NELL2: variants seen among roughly 807,000 people sequenced by gnomAD.
NELL2 encodes neural EGFL like 2.
NELL2 carries 41 observed loss-of-function variants against 109.6 expected under a neutral mutation model. That is an observed-to-expected ratio of 0.37 (90% confidence interval 0.29 to 0.49). The LOEUF (loss-of-function observed/expected upper bound fraction) is 0.49. NELL2 is among the 20% of genes least tolerant of loss of function. The probability of loss-of-function intolerance (pLI) is 0.98; values close to 1 mark genes in which losing one functional copy is unlikely to be tolerated. For synonymous variants in NELL2, 355 were observed against 344.7 expected (o/e 1.03, Z -0.33); for missense variants, 900 against 1,008.3 (o/e 0.89, Z 1.45).
intron 2 of NELL2, among the ~76,000 whole-genome samples, chr12:44,861,960 A>G (rs1944855491): frequency 6.6e-6 from 1 of 152,230 alleles, no homozygotes; most frequent in African/African-American, 2.4e-5. Context: ...AACAAGAAAC[A>G]TAAAAAGCCA....
chr12:44,738,581 C>G (rs1373993717), intron 9 of NELL2, among the ~76,000 whole-genome samples: 1 of 151,894 alleles, frequency 6.6e-6, no homozygotes, highest in African/African-American at 2.4e-5. Flanking sequence ...CCTGCATAGT[C>G]TCACTTATAT....
At chr12:44,522,571 C>CAT (rs548463424) in intron 17 of NELL2, among the ~76,000 whole-genome samples, 4 of 151,928 alleles carry the variant, frequency 2.6e-5, no homozygotes, top group Non-Finnish European at 4.4e-5. Flanking sequence ...TAGTTAATAA[C>CAT]ATATATATAT....
chr12:44,522,120 A>T lies in NELL2; in HGVS notation c.2055T>A (p.Asp685Glu), dbSNP rs764322558. The T allele has an allele frequency of 1.9e-4, 299 of 1,614,010 alleles. No individual in the cohort carries two copies. Among genetic ancestry groups the T allele is most frequent in the Non-Finnish European group, 2.4e-4 (278 of 1,180,030 alleles). ...GGTCACATTCAGGGCAGCAAAAAAG[A>T]TCAACTGTGGGATTCTCACAGTCAC... ...MVCDCENPTVDLFCCPECDPR... is the reference protein window; with the variant it reads ...MVCDCENPTVELFCCPECDPR... Residue 685 changes from aspartate (D) to glutamate (E), a missense_variant, in exon 18 of 20, where the codon GAT (aspartate) becomes GAA (glutamate). Physicochemically the swap from Asp to Glu is conservative, Grantham distance 45. Coordinates refer to ENST00000429094, the MANE Select transcript of NELL2 (RefSeq NM_001145108.2).
chr12:44,691,834 G>T (rs1566174596), intron 12 of NELL2, among the ~76,000 whole-genome samples: 1 of 152,150 alleles, frequency 6.6e-6, no homozygotes, highest in Admixed American at 6.5e-5. Flanking sequence ...ATTCTAGAAG[G>T]CTGAGAGAGG....
chr12:44,852,258 GA>G (rs1252199918), intron 2 of NELL2, among the ~76,000 whole-genome samples: 1 of 152,026 alleles, frequency 6.6e-6, no homozygotes, highest in African/African-American at 2.4e-5. Flanking sequence ...TACACTGCTG[GA>G]AAAAAACGTT....
In NELL2 at chr12:44,776,087, T is replaced by C; in HGVS notation, c.826A>G (p.Met276Val). ...AATTCTCGGTAGGTGGTTCCCTTCATGGTGCAAGTCCTTTCACAATAGCAC... is the reference window on the plus strand; with the variant it reads ...AATTCTCGGTAGGTGGTTCCCTTCACGGTGCAAGTCCTTTCACAATAGCAC... The part of the protein sequence containing the change: ...DQCYCERTCT[M>V]KGTTYREFES... The change falls in exon 8 of 20, where the codon ATG becomes GTG. Residue 276 changes from methionine to valine, a missense_variant. By Grantham distance (21) the Met-to-Val change is conservative. Around this residue, in one of 4 missense-constraint regions of NELL2, gnomAD observed 292 missense variants for 265.3 expected, o/e 1.10. Transcript: ENST00000429094. The C allele has an allele frequency of 1.2e-6, 2 of 1,614,146 alleles. No individual in the cohort carries two copies. The highest frequency in any genetic ancestry group is 1.3e-5 in the African/African-American group (1 of 75,062).
In NELL2 at chr12:44,627,081, A is replaced by G. The variant is rs1370165918; in HGVS notation, c.1445-16111T>C. On this transcript the variant is annotated intron_variant, in intron 13 of 19. Transcript: ENST00000429094. ...ATGCTCGTCAAATTCAGTGGTCTGTAACAGGGTAAATGACACAATTACCTG... is the reference window on the plus strand; with the variant it reads ...ATGCTCGTCAAATTCAGTGGTCTGTGACAGGGTAAATGACACAATTACCTG... 2.0e-5 allele frequency among the ~76,000 whole-genome samples: 3 copies of G among 152,132 alleles called. No homozygotes were observed. The East Asian group carries it at 5.8e-4, about 29-fold the overall frequency.
intron 1 of NELL2, among the ~76,000 whole-genome samples, chr12:44,898,280 GGGTCCCTGACC>G (rs913602957): frequency 2.0e-5 from 3 of 152,178 alleles, no homozygotes; most frequent in Non-Finnish European, 4.4e-5. Context: ...CTCCTCAAGT[GGGTCCCTGACC>G]CCAATGCCTC....
intron 10 of NELL2, 75 bp from the exon 11 acceptor site, chr12:44,711,469 T>A: frequency 7.9e-7 from 1 of 1,269,418 alleles, no homozygotes; most frequent in Non-Finnish European, 1.1e-6. Flanking sequence ...ATCCAGCATC[T>A]GAGAAGACTC....
intron 3 of NELL2, among the ~76,000 whole-genome samples, chr12:44,802,863 C>A (rs2167212): frequency 0.43 from 64,637 of 151,698 alleles, 14,910 homozygotes; most frequent in Non-Finnish European, 0.51. Context: ...TACAGGTGGG[C>A]ATGGTCAAGG....
intron 12 of NELL2, among the ~76,000 whole-genome samples, chr12:44,677,717 A>G (rs1186787399): frequency 2.6e-5 from 4 of 152,084 alleles, no homozygotes; most frequent in Admixed American, 1.3e-4. Flanking sequence ...AAAAAAATAC[A>G]TGGGATCTAA....
intron 13 of NELL2, among the ~76,000 whole-genome samples, chr12:44,659,859 A>C (rs922603507): frequency 6.6e-6 from 1 of 152,142 alleles, no homozygotes; most frequent in Non-Finnish European, 1.5e-5. Flanking sequence ...GATATGTGAC[A>C]TGGACCAAAG....
chr12:44,730,210 C>CT (rs1939296186), intron 9 of NELL2, among the ~76,000 whole-genome samples: 1 of 152,036 alleles, frequency 6.6e-6, no homozygotes, highest in Non-Finnish European at 1.5e-5. Flanking sequence ...CAATTCCCTA[C>CT]TTTTAATCAT....
chr12:44,827,177 G>GATCCACA (rs1186796904), intron 2 of NELL2, among the ~76,000 whole-genome samples: 7 of 151,996 alleles, frequency 4.6e-5, no homozygotes, highest in Admixed American at 4.6e-4. Context: ...TGGATCCAAG[G>GATCCACA]TAGGTATATA....
chr12:44,852,132 T>C (rs534138328), intron 2 of NELL2, among the ~76,000 whole-genome samples: 1 of 152,316 alleles, frequency 6.6e-6, no homozygotes, highest in East Asian at 1.9e-4. Context: ...TCACCGTCAA[T>C]ATCAACAGTG....
chr12:44,584,425 C>T (rs996157773), intron 15 of NELL2, among the ~76,000 whole-genome samples: 2 of 152,156 alleles, frequency 1.3e-5, no homozygotes, highest in African/African-American at 4.8e-5. Flanking sequence ...CCTCTTGTTA[C>T]GACACTCTTT....
intron 2 of NELL2, among the ~76,000 whole-genome samples, chr12:44,856,290 T>C (rs71459271): frequency 7.7e-4 from 118 of 152,368 alleles, no homozygotes; most frequent in Non-Finnish European, 1.4e-3. Context: ...GGGATTCATA[T>C]CAGTAAATTA....
At chr12:44,783,633 A>G (rs1942048840) in intron 3 of NELL2, among the ~76,000 whole-genome samples, 1 of 152,016 alleles carries the variant, frequency 6.6e-6, no homozygotes, top group African/African-American at 2.4e-5. Context: ...ACAGAATATG[A>G]AACAGATTAC....
chr12:44,741,178 C>T (rs191144462), intron 9 of NELL2, among the ~76,000 whole-genome samples: 164 of 152,270 alleles, frequency 1.1e-3, no homozygotes, highest in Non-Finnish European at 1.8e-3. Flanking sequence ...AATCTACTTC[C>T]ACTTAATAAA....
Sources: allele counts gnomAD v4.1 joint callset (sites outside exome capture counted in the v4.1 genomes callset), GRCh38; gene constraint gnomAD v4.1.1; regional missense constraint gnomAD v4.1.1; transcripts MANE v1.5; gene names NCBI Gene and HGNC (gene_info 2026-07-23, HGNC 2026-07-21).